VPS13B: variants seen among roughly 807,000 people sequenced by gnomAD.
The protein encoded by VPS13B is intermembrane lipid transfer protein VPS13B.
A neutral mutation model predicts 426.4 loss-of-function variants in VPS13B; 285 were observed. The observed-to-expected ratio is 0.67, with a 90% CI of 0.61 to 0.74. The LOEUF (loss-of-function observed/expected upper bound fraction) is 0.74. VPS13B is among the 30% of genes least tolerant of loss of function. VPS13B has a pLI of 0.00. For synonymous variants in VPS13B, 1,676 were observed against 1,676.4 expected, an observed-to-expected ratio of 1.00 and a Z score of 0.01; for missense variants, 4,537 against 4,782.6, an observed-to-expected ratio of 0.95 and a Z score of 1.51.
At chr8:99,505,952 T>A (rs1233459299) in intron 27 of VPS13B, among the ~76,000 whole-genome samples, 1 of 152,210 alleles carries the variant, frequency 6.6e-6, no homozygotes, top group Non-Finnish European at 1.5e-5. Context: ...AGATGACAAA[T>A]CTGTTCATAA....
intron 27 of VPS13B, among the ~76,000 whole-genome samples, chr8:99,504,340 A>G (rs531319862): frequency 2.4e-4 from 36 of 152,320 alleles, no homozygotes; most frequent in Admixed American, 1.2e-3. Flanking sequence ...TCTTTCCTTT[A>G]TAAATTACCC....
chr8:99,245,813 G>A (rs1453415889), intron 17 of VPS13B, among the ~76,000 whole-genome samples: 1 of 152,140 alleles, frequency 6.6e-6, no homozygotes, highest in Admixed American at 6.5e-5. Context: ...CAAAGTTCTG[G>A]GATTACAGGT....
intron 3 of VPS13B, among the ~76,000 whole-genome samples, chr8:99,085,269 T>A (rs903649079): frequency 6.6e-6 from 1 of 152,202 alleles, no homozygotes; most frequent in Non-Finnish European, 1.5e-5. Context: ...GAGACTAGGA[T>A]TGCAACCCCT....
At position 99,868,473 on chromosome 8, in the gene VPS13B, G is replaced by A. The variant is rs147921058; in HGVS notation, c.11392+8G>A. 4.3e-4 allele frequency: 695 copies of A among 1,605,472 alleles called. 2 individuals are homozygous for A. In the African/African-American group the frequency reaches 7.9e-3, roughly 18 times the overall value. On this transcript the variant is annotated splice_region_variant and intron_variant, in intron 59 of 61. Transcript: ENST00000357162. ...TGTCACAGACTGGCTATGGTAAGTC[G>A]GTGGAAAACCCATCAGGCCAACCCA...
At chr8:99,715,400 A>G (rs1832870670) in intron 36 of VPS13B, among the ~76,000 whole-genome samples, 1 of 152,122 alleles carries the variant, frequency 6.6e-6, no homozygotes, top group African/African-American at 2.4e-5. Context: ...TCTTTCACTC[A>G]CTCATATTAT....
chr8:99,563,772 CAG>C (rs1258367833), intron 31 of VPS13B, among the ~76,000 whole-genome samples: 1 of 152,088 alleles, frequency 6.6e-6, no homozygotes, highest in Non-Finnish European at 1.5e-5. Context: ...TAATTAATGA[CAG>C]AGTGATGATT....
intron 39 of VPS13B, among the ~76,000 whole-genome samples, chr8:99,723,906 C>T (rs1833228778): frequency 6.6e-6 from 1 of 152,090 alleles, no homozygotes; most frequent in Admixed American, 6.5e-5. Context: ...TGAGAAGGAG[C>T]GCACTCAGAA....
At chr8:99,792,926 C>T (rs1374789357) in intron 43 of VPS13B, among the ~76,000 whole-genome samples, 1 of 151,632 alleles carries the variant, frequency 6.6e-6, no homozygotes, top group Admixed American at 6.6e-5. Flanking sequence ...AATAGATGGG[C>T]CAAGCATGGT....
intron 35 of VPS13B, among the ~76,000 whole-genome samples, chr8:99,682,899 T>G (rs1044934543): frequency 1.3e-5 from 2 of 152,182 alleles, no homozygotes; most frequent in Admixed American, 1.3e-4. Context: ...CTTAGGAATC[T>G]ACTTGGTGCT....
At chr8:99,789,697 A>T (rs1216565779) in intron 43 of VPS13B, among the ~76,000 whole-genome samples, 1 of 152,154 alleles carries the variant, frequency 6.6e-6, no homozygotes, top group African/African-American at 2.4e-5. Context: ...AAAATCTGGC[A>T]TAAGACTATC....
rs200474579 is a variant in VPS13B, at chr8:99,038,585, A to G, written c.291+19A>G. On this transcript the variant is annotated intron_variant, in intron 3 of 61. Coordinates refer to ENST00000357162, the MANE Select transcript of VPS13B (RefSeq NM_152564.5). ...GATACAGGTAAGAAATTATTGAACC[A>G]AGTTGTTTATGTTAACTAATTTTAG... The G allele has an allele frequency of 4.6e-5, 74 of 1,608,296 alleles. No individual in the cohort carries two copies. Among genetic ancestry groups the G allele is most frequent in the Admixed American group, 3.2e-4 (19 of 59,874 alleles).
chr8:99,443,594 T>C (rs1228032477), intron 23 of VPS13B, among the ~76,000 whole-genome samples: 1 of 152,202 alleles, frequency 6.6e-6, no homozygotes, highest in Non-Finnish European at 1.5e-5. Context: ...ATGGTCTTTT[T>C]GTGACTGGTT....
intron 17 of VPS13B, among the ~76,000 whole-genome samples, chr8:99,223,409 T>G (rs1815840592): frequency 6.6e-6 from 1 of 152,180 alleles, no homozygotes; most frequent in African/African-American, 2.4e-5. Context: ...TTGCTATCTA[T>G]TGTGTCATTT....
chr8:99,187,283 A>G (rs1490352951), intron 16 of VPS13B, among the ~76,000 whole-genome samples: 1 of 152,186 alleles, frequency 6.6e-6, no homozygotes, highest in African/African-American at 2.4e-5. Flanking sequence ...GACCTAGTTA[A>G]CTATTTTAAA....
chr8:99,703,958 T>C (rs779125546), intron 36 of VPS13B, among the ~76,000 whole-genome samples: 4 of 151,972 alleles, frequency 2.6e-5, no homozygotes, highest in Non-Finnish European at 4.4e-5. Flanking sequence ...AAAAGGAAAA[T>C]AGAATATGAG....
chr8:99,527,300 T>C (rs901758789), intron 30 of VPS13B, among the ~76,000 whole-genome samples: 8 of 152,098 alleles, frequency 5.3e-5, no homozygotes, highest in African/African-American at 1.9e-4. Context: ...ATTTGTACTT[T>C]GTTACTCTCA....
chr8:99,042,658 T>C (rs1444077582), intron 3 of VPS13B, among the ~76,000 whole-genome samples: 2 of 152,218 alleles, frequency 1.3e-5, no homozygotes, highest in African/African-American at 2.4e-5. Context: ...TTGTTTGTTT[T>C]GTTTCTGTTT....
At chr8:99,302,324 G>T (rs768499852) in intron 19 of VPS13B, among the ~76,000 whole-genome samples, 1 of 152,172 alleles carries the variant, frequency 6.6e-6, no homozygotes, top group Admixed American at 6.6e-5. Context: ...TCTACTGTAA[G>T]TTGGAAATAC....
At chr8:99,555,947 C>T (rs1369234043) in intron 30 of VPS13B, among the ~76,000 whole-genome samples, 1 of 152,042 alleles carries the variant, frequency 6.6e-6, no homozygotes, top group Non-Finnish European at 1.5e-5. Context: ...CATTACCTTT[C>T]CTAACAAGAA....
Sources: allele counts gnomAD v4.1 joint callset (sites outside exome capture counted in the v4.1 genomes callset), GRCh38; gene constraint gnomAD v4.1.1; transcripts MANE v1.5; gene names NCBI Gene and HGNC (gene_info 2026-07-23, HGNC 2026-07-21).